The following NOTCH1 variants were observed in gnomAD, a reference collection of about 807,000 sequenced individuals.
NOTCH1 encodes the protein neurogenic locus notch homolog protein 1.
NOTCH1 carries 37 observed loss-of-function variants against 254.8 expected under a neutral mutation model. The ratio of observed to expected loss-of-function variants is 0.15; its 90% CI spans 0.11 to 0.19. NOTCH1 has a LOEUF of 0.19. Among genes scored for constraint, NOTCH1 ranks in the 10% least tolerant of loss-of-function variants. NOTCH1 has a pLI of 1.00. For missense variants in NOTCH1, 2,972 were observed against 3,708.6 expected (o/e 0.80, Z 5.16); for synonymous variants, 1,731 against 1,618.1 (o/e 1.07, Z -1.68).
At chr9:136,530,881 A>G (rs1843548259) in intron 2 of NOTCH1, among the ~76,000 whole-genome samples, 2 of 152,198 alleles carry the variant, frequency 1.3e-5, no homozygotes, top group African/African-American at 4.8e-5. Flanking sequence ...TGGAGGGCTC[A>G]AACCACACTC....
chr9:136,495,321 A>G lies in NOTCH1; in HGVS notation c.*750T>C, dbSNP rs1169974645. 1 of 398,920 alleles carries G rather than the reference A, an allele frequency of 2.5e-6. No individual in the cohort carries two copies. Among genetic ancestry groups the G allele is most frequent in the Non-Finnish European group, 4.4e-6 (1 of 226,082 alleles). The allele number at this position is 398,920 out of a possible 1,614,324, so 24.7% of individuals were successfully genotyped here. A position where few individuals can be genotyped will look rare whatever the true frequency, so the allele number is the denominator to read the frequency against. On this transcript the variant is annotated 3_prime_UTR_variant, in exon 34 of 34. Coordinates refer to ENST00000651671, the MANE Select transcript of NOTCH1 (RefSeq NM_017617.5). Reference sequence around the variant, plus strand: ...CCAAGAACTTGTATAACCAACGAACAACTACATAATACTGAACCTGAAACA... The same window carrying G: ...CCAAGAACTTGTATAACCAACGAACGACTACATAATACTGAACCTGAAACA...
rs950648628 is a variant in NOTCH1 at position 136,522,914 on chromosome 9, G to C, written c.678C>G (p.Pro226=). The C allele has an allele frequency of 6.5e-6, 10 of 1,545,338 alleles. No homozygotes were observed. The highest frequency in any genetic ancestry group is 8.7e-6 in the Non-Finnish European group (10 of 1,143,768). The change falls in exon 4 of 34, where the codon CCC becomes CCG. Residue 226 remains proline, a synonymous_variant. Coordinates refer to ENST00000651671, the MANE Select transcript of NOTCH1 (RefSeq NM_017617.5). ...ERPYVPCSPS[P]CQNGGTCRPT... ...GGCGGCAGGTGCCCCCGTTCTGGCA[G>C]GGCGAGGGGCTGCAGGGCACGTAGG...
Position 136,546,048 on chromosome 9 carries a change from T to C in NOTCH1, c.-262A>G, listed in dbSNP as rs1843814049. On this transcript the variant is annotated 5_prime_UTR_variant, in exon 1 of 34. Coordinates refer to ENST00000651671, the MANE Select transcript of NOTCH1 (RefSeq NM_017617.5). ...CTCCCTCCCGCGGCCGAGGCACTAG[T>C]GAGGCTCAGAGTCGAGGTGCGCTCC... 2.6e-5 allele frequency: 4 copies of C among 151,916 alleles called. No individual in the cohort carries two copies. The South Asian group carries it at 7.1e-4, about 27-fold the overall frequency. 9.4% of individuals were successfully genotyped at this position (151,916 alleles called of 1,614,324 possible). A position where few individuals can be genotyped will look rare whatever the true frequency, so the allele number is the denominator to read the frequency against.
chr9:136,542,685 C>T (rs1843749378), intron 2 of NOTCH1, among the ~76,000 whole-genome samples: 1 of 151,152 alleles, frequency 6.6e-6, no homozygotes, highest in Non-Finnish European at 1.5e-5. Flanking sequence ...GGGAGGGGGC[C>T]TGCTGCCCAC....
intron 4 of NOTCH1, among the ~76,000 whole-genome samples, chr9:136,522,039 G>A (rs1356110152): frequency 2.0e-5 from 3 of 150,940 alleles, no homozygotes; most frequent in South Asian, 2.1e-4. Flanking sequence ...GTGCAGTGGC[G>A]GGATCTCGGC....
chr9:136,545,679 T>C lies in NOTCH1; in HGVS notation c.61+47A>G. 7.3e-7 allele frequency: 1 copy of C among 1,362,642 alleles called. No homozygotes were observed. The highest frequency in any genetic ancestry group is 9.6e-7 in the Non-Finnish European group (1 of 1,045,196). 84.4% of individuals were successfully genotyped at this position (1,362,642 alleles called of 1,614,324 possible). A position where few individuals can be genotyped will look rare whatever the true frequency, so the allele number is the denominator to read the frequency against. Reference sequence around the variant, plus strand: ...GCGCGCGCCGGGCGCCGCCAAAGTTTCCAAAGGGCGCGGAAAGTGGGGGCT... The same window carrying C: ...GCGCGCGCCGGGCGCCGCCAAAGTTCCCAAAGGGCGCGGAAAGTGGGGGCT... On this transcript the variant is annotated intron_variant, in intron 1 of 33. Coordinates refer to ENST00000651671, the MANE Select transcript of NOTCH1 (RefSeq NM_017617.5). The surrounding 1 kb of genome is among the most constrained non-coding windows in gnomAD (Gnocchi z 6.8).
In NOTCH1 at chr9:136,508,505, G is replaced by C. The variant is rs1843126013; in HGVS notation, c.3172-120C>G. The C allele has an allele frequency of 5.5e-6, 8 of 1,442,580 alleles. No individual in the cohort carries two copies. The South Asian group carries it at 6.9e-5, about 12-fold the overall frequency. 89.4% of individuals were successfully genotyped at this position (1,442,580 alleles called of 1,614,324 possible). ...GGCTGCAACCCATTCTACAGAAGTG[G>C]AAACTGCCGCCCCTGGACTCCCCAC... is the stretch of plus-strand genomic sequence containing the variant. On this transcript the variant is annotated intron_variant, in intron 19 of 33. Coordinates refer to ENST00000651671, the MANE Select transcript of NOTCH1 (RefSeq NM_017617.5).
intron 2 of NOTCH1, among the ~76,000 whole-genome samples, chr9:136,530,862 CAGCGCTGCTGG>C (rs1029778139): frequency 8.5e-5 from 13 of 152,332 alleles, no homozygotes; most frequent in Middle Eastern, 3.4e-3. Flanking sequence ...AGGCCCACAG[CAGCGCTGCTGG>C]AGGGCTCAAA....
Position 136,505,503 on chromosome 9 carries a change from G to A in NOTCH1, c.4393C>T (p.Leu1465=), listed in dbSNP as rs779863069. The change falls in exon 25 of 34, where the codon CTG becomes TTG. Residue 1465 remains leucine (L), a synonymous_variant. Transcript: ENST00000651671. ...CCGCACGCGTGGTTGTTGCACTGCA[G>A]GCTGCAGACCTTGTTGCCCGCGTCC... The part of the protein sequence containing the change: ...QEDAGNKVCS[L]QCNNHACGWD... The A allele has an allele frequency of 5.3e-5, 86 of 1,612,704 alleles. 2 individuals carry two copies. In the East Asian group the frequency reaches 1.9e-3, roughly 35 times the overall value.
In NOTCH1 at chr9:136,513,285, G is replaced by T; in HGVS notation, c.2353+107C>A. The stretch of plus-strand genomic sequence containing the variant: ...TGGAGCTAAGGCTTTGCCACGGGAG[G>T]GAGACACCATGCATGGTGCTGGCTG... On this transcript the variant is annotated intron_variant, in intron 14 of 33. Transcript: ENST00000651671. This position sits in a 1 kb window ranked among gnomAD's most constrained non-coding sequence, Gnocchi z 4.7. The T allele has an allele frequency of 1.3e-6, 2 of 1,554,212 alleles. No individual in the cohort carries two copies. The highest frequency in any genetic ancestry group is 1.8e-6 in the Non-Finnish European group (2 of 1,133,546).
chr9:136,533,837 G>A (rs1843600365), intron 2 of NOTCH1, among the ~76,000 whole-genome samples: 1 of 152,260 alleles, frequency 6.6e-6, no homozygotes, highest in South Asian at 2.1e-4. Context: ...CTTGGGCTGT[G>A]GGGGAGCCTG....
At chr9:136,534,106 T>C (rs1459882857) in intron 2 of NOTCH1, among the ~76,000 whole-genome samples, 1 of 152,144 alleles carries the variant, frequency 6.6e-6, no homozygotes, top group Non-Finnish European at 1.5e-5. Flanking sequence ...GCTTTTGGGA[T>C]GTGGCGGGAG....
At position 136,502,051 on chromosome 9, in the gene NOTCH1, C is replaced by A. The variant is rs571739078; in HGVS notation, c.5422G>T (p.Asp1808Tyr). 1 of 1,613,326 alleles carries A rather than the reference C, an allele frequency of 6.2e-7. No homozygotes were observed. Among genetic ancestry groups the A allele is most frequent in the Admixed American group, 1.7e-5 (1 of 60,026 alleles). The change falls in exon 29 of 34, where the codon GAC becomes TAC. Residue 1808 changes from aspartate to tyrosine, a missense_variant. By Grantham distance (160) the Asp-to-Tyr change is radical. Around this residue, in one of 8 missense-constraint regions of NOTCH1, gnomAD observed 421 missense variants for 604.4 expected, o/e 0.70. Coordinates refer to ENST00000651671, the MANE Select transcript of NOTCH1 (RefSeq NM_017617.5). The stretch of plus-strand genomic sequence containing the variant: ...TCGTCCCCCCACTCATTCTGGTTGT[C>A]GTCCATGAGGGCACCGTCTGAAGCG... ...KNASDGALMDDNQNEWGDEDL... is the reference protein window; with the variant it reads ...KNASDGALMDYNQNEWGDEDL...
chr9:136,512,980 A>G, intron 15 of NOTCH1, 41 bp downstream of exon 15: 2 of 667,604 alleles, frequency 3.0e-6, no homozygotes, highest in Admixed American at 5.0e-5. Context: ...CCTCCCACAT[A>G]GGCCCCGCCC....
At position 136,501,891 on chromosome 9, in the gene NOTCH1, G is replaced by C. The variant is rs1425070721; in HGVS notation, c.5495C>G (p.Pro1832Arg). 14 of 1,612,034 alleles carry C rather than the reference G, an allele frequency of 8.7e-6. No individual in the cohort carries two copies. Among genetic ancestry groups the C allele is most frequent in the Admixed American group, 5.0e-5 (3 of 59,996 alleles). The stretch of plus-strand genomic sequence containing the variant: ...GTGGTCTGTCTGGTCGTCCAGGTCA[G>C]GCAGAACCACGGGCTCCTCGAACTA... ...KFRFEEPVVL[P>R]DLDDQTDHRQ... Residue 1832 changes from proline to arginine, a missense_variant, in exon 30 of 34, where the codon CCT (proline) becomes CGT (arginine). Physicochemically the swap from Pro to Arg is moderately radical, Grantham distance 103 (BLOSUM62 -2). Transcript: ENST00000651671.
rs1445815884 is a variant in NOTCH1, at chr9:136,545,860, CGCGGCGTACGGTCCCGGGGCG to C, written c.-95_-75del. 1 of 788,842 alleles carries C rather than the reference CGCGGCGTACGGTCCCGGGGCG, an allele frequency of 1.3e-6. No homozygotes were observed. The highest frequency in any genetic ancestry group is 5.8e-5 in the South Asian group (1 of 17,372). The allele number at this position is 788,842 out of a possible 1,614,324, so 48.9% of individuals were successfully genotyped here. A position where few individuals can be genotyped will look rare whatever the true frequency, so the allele number is the denominator to read the frequency against. On this transcript the variant is annotated 5_prime_UTR_variant, in exon 1 of 34. Coordinates refer to ENST00000651671, the MANE Select transcript of NOTCH1 (RefSeq NM_017617.5). This position sits in a 1 kb window ranked among gnomAD's most constrained non-coding sequence, Gnocchi z 6.8. ...GGCCGGCGGGGCTGGGACGCACACG[CGCGGCGTACGGTCCCGGGGCG>C]GCGGCGGACGGTCCCGCCCTCTCTT...
In NOTCH1 at chr9:136,503,306, G is replaced by T; in HGVS notation, c.5043C>A (p.Asp1681Glu). 6.2e-7 allele frequency: 1 copy of T among 1,612,986 alleles called. No homozygotes were observed. The highest frequency in any genetic ancestry group is 8.5e-7 in the Non-Finnish European group (1 of 1,179,900). The change falls in exon 27 of 34, where the codon GAC becomes GAA. Residue 1681 changes from aspartate to glutamate, a missense_variant. Physicochemically the swap from Asp to Glu is conservative, Grantham distance 45 (BLOSUM62 2). This residue lies in a region of NOTCH1 where 421 missense variants were observed against 604.4 expected (regional missense o/e 0.70). Transcript: ENST00000651671. ...AGGAGGCCTGCACACACTGCCGGTT[G>T]TCAATCTCCAGGTAGACGATGGAGC... Reference protein sequence around the residue: ...VRGSIVYLEIDNRQCVQASSQ... With the variant: ...VRGSIVYLEIENRQCVQASSQ...
intron 5 of NOTCH1, 86 bp from the exon 6 acceptor site, chr9:136,518,910 C>A: frequency 8.2e-7 from 1 of 1,221,934 alleles, no homozygotes; most frequent in South Asian, 1.2e-5. Context: ...CAATGCCGCC[C>A]CCTCCAGGAA....
At chr9:136,528,024 G>A (rs981695734) in intron 2 of NOTCH1, among the ~76,000 whole-genome samples, 1 of 152,148 alleles carries the variant, frequency 6.6e-6, no homozygotes, top group Non-Finnish European at 1.5e-5. Context: ...TTTCACCCAG[G>A]ACGAATTCTA....
Sources: allele counts gnomAD v4.1 joint callset (sites outside exome capture counted in the v4.1 genomes callset), GRCh38; gene constraint gnomAD v4.1.1; regional missense constraint gnomAD v4.1.1; non-coding constraint Gnocchi (gnomAD v3.1); transcripts MANE v1.5; gene names NCBI Gene and HGNC (gene_info 2026-07-23, HGNC 2026-07-21).